The following FARS2 variants were observed in gnomAD, a reference collection of about 807,000 sequenced individuals.
FARS2 encodes phenylalanyl-tRNA synthetase 2, mitochondrial.
FARS2 carries 40 observed loss-of-function variants against 46.4 expected under a neutral mutation model. That is an observed-to-expected ratio of 0.86 (90% CI 0.67 to 1.12). FARS2 has a LOEUF of 1.12. Ranked by LOEUF, FARS2 falls within the 50% of genes most tolerant of loss-of-function variation. The probability of loss-of-function intolerance (pLI) is 0.00; values close to 1 mark genes in which losing one functional copy is unlikely to be tolerated. For synonymous variants in FARS2, 234 were observed against 214.9 expected (o/e 1.09, Z -0.78); for missense variants, 513 against 567.9 (o/e 0.90, Z 0.98).
chr6:5,470,503 A>G (rs1255233302), intron 4 of FARS2, among the ~76,000 whole-genome samples: 1 of 151,826 alleles, frequency 6.6e-6, no homozygotes, highest in Non-Finnish European at 1.5e-5. Flanking sequence ...CCAGATGTAT[A>G]CATGTTAAGT....
intron 4 of FARS2, among the ~76,000 whole-genome samples, chr6:5,448,374 T>A (rs1764293628): frequency 6.6e-6 from 1 of 152,204 alleles, no homozygotes; most frequent in South Asian, 2.1e-4. Context: ...ACTGCTTTCA[T>A]GTCTGTTTTT....
chr6:5,298,027 T>G (rs1768017501), intron 1 of FARS2, among the ~76,000 whole-genome samples: 1 of 152,236 alleles, frequency 6.6e-6, no homozygotes, highest in African/African-American at 2.4e-5. Context: ...ACTGAGGACT[T>G]TGAACATTTA....
intron 6 of FARS2, among the ~76,000 whole-genome samples, chr6:5,758,328 C>G (rs1192740051): frequency 6.6e-6 from 1 of 152,116 alleles, no homozygotes; most frequent in Non-Finnish European, 1.5e-5. Flanking sequence ...TTTTTCTCAC[C>G]AATTTTGGCT....
At chr6:5,283,642 T>C (rs1766911042) in intron 1 of FARS2, among the ~76,000 whole-genome samples, 2 of 152,188 alleles carry the variant, frequency 1.3e-5, no homozygotes, top group East Asian at 1.9e-4. Context: ...TACCTGGTCT[T>C]AGACATTTTC....
intron 1 of FARS2, among the ~76,000 whole-genome samples, chr6:5,274,701 T>C (rs950933035): frequency 2.6e-5 from 4 of 152,168 alleles, no homozygotes; most frequent in African/African-American, 9.7e-5. Context: ...CTTTCTGTTT[T>C]ATGCAGCTCA....
chr6:5,547,864 G>A (rs1187411665), intron 5 of FARS2, among the ~76,000 whole-genome samples: 2 of 152,208 alleles, frequency 1.3e-5, no homozygotes, highest in East Asian at 3.8e-4. Flanking sequence ...TACCCTAGAA[G>A]GGCTCATCTC....
chr6:5,565,070 A>G (rs1772245555), intron 5 of FARS2, among the ~76,000 whole-genome samples: 3 of 152,238 alleles, frequency 2.0e-5, no homozygotes, highest in Non-Finnish European at 4.4e-5. Context: ...GATGCAAACA[A>G]CTATATTGCC....
chr6:5,456,936 G>A (rs191858302), intron 4 of FARS2: 221 of 152,250 alleles, frequency 1.5e-3, no homozygotes, highest in Middle Eastern at 3.4e-3. Context: ...AAGGGAGGCC[G>A]AGGGTAGCCC....
In FARS2 at chr6:5,765,194, C is replaced by T. The variant is rs184884195; in HGVS notation, c.1218-6097C>T. The stretch of plus-strand genomic sequence containing the variant: ...AGCCCAGCTCTCCCATTGGCCCACA[C>T]GGGGCTGCCCCTCTGGCCCTGGCTC... On this transcript the variant is annotated intron_variant, in intron 6 of 6. Transcript: ENST00000274680. This position sits in a 1 kb window ranked among gnomAD's most constrained non-coding sequence, Gnocchi z 4.0. Among the ~76,000 whole-genome samples, 18 of 152,352 alleles carry T rather than the reference C, an allele frequency of 1.2e-4. 1 individual carries two copies. The East Asian group carries it at 2.7e-3, about 23-fold the overall frequency.
intron 6 of FARS2, among the ~76,000 whole-genome samples, chr6:5,749,058 C>T (rs1157940810): frequency 6.6e-6 from 1 of 152,232 alleles, no homozygotes; most frequent in African/African-American, 2.4e-5. Flanking sequence ...ACCTCTACTG[C>T]AACTCTGAAG....
At chr6:5,504,895 G>A (rs996697854) in intron 4 of FARS2, among the ~76,000 whole-genome samples, 13 of 151,956 alleles carry the variant, frequency 8.6e-5, no homozygotes, top group African/African-American at 2.9e-4. Context: ...GCACAATCTC[G>A]GCTCACTGCA....
At chr6:5,574,864 C>T (rs932854370) in intron 5 of FARS2, among the ~76,000 whole-genome samples, 3 of 152,034 alleles carry the variant, frequency 2.0e-5, no homozygotes, top group Admixed American at 6.6e-5. Context: ...TACTCAAGTC[C>T]GGTAGTTGGC....
Position 5,571,123 on chromosome 6 carries a change from G to A in FARS2, c.1065+25783G>A, listed in dbSNP as rs550841455. On this transcript the variant is annotated intron_variant, in intron 5 of 6. Transcript: ENST00000274680. ...ATCTATTAAAGGCAAATATGCAGCC[G>A]TTAGTATGTAAATGGAACTTGCATG... Among the ~76,000 whole-genome samples, 7 of 152,292 alleles carry A rather than the reference G, an allele frequency of 4.6e-5. No individual in the cohort carries two copies. In the South Asian group the frequency reaches 6.2e-4, roughly 14 times the overall value.
intron 3 of FARS2, among the ~76,000 whole-genome samples, chr6:5,405,607 C>T (rs1761540449): frequency 6.6e-6 from 1 of 151,134 alleles, no homozygotes; most frequent in African/African-American, 2.4e-5. Context: ...ATTCTCCTGC[C>T]TCAGCCTCCT....
At chr6:5,605,749 A>G (rs966812526) in intron 5 of FARS2, among the ~76,000 whole-genome samples, 2 of 149,512 alleles carry the variant, frequency 1.3e-5, no homozygotes, top group African/African-American at 2.4e-5. Flanking sequence ...GCTATCTTGG[A>G]AAAAAAAAAT....
chr6:5,592,975 C>T (rs1381131031), intron 5 of FARS2, among the ~76,000 whole-genome samples: 1 of 152,194 alleles, frequency 6.6e-6, no homozygotes, highest in Non-Finnish European at 1.5e-5. Context: ...CCTCTTAAGG[C>T]GATCGGCGCT....
intron 6 of FARS2, among the ~76,000 whole-genome samples, chr6:5,724,975 T>G (rs1194634388): frequency 6.6e-6 from 1 of 152,226 alleles, no homozygotes; most frequent in Admixed American, 6.5e-5. Context: ...GCAGATGCCA[T>G]TAAACAAATA....
chr6:5,285,599 A>T (rs1056414356), intron 1 of FARS2, among the ~76,000 whole-genome samples: 1 of 152,202 alleles, frequency 6.6e-6, no homozygotes, highest in Non-Finnish European at 1.5e-5. Context: ...TGCATCAGCA[A>T]GTGCATTCTC....
At chr6:5,580,956 A>G (rs1405680371) in intron 5 of FARS2, among the ~76,000 whole-genome samples, 1 of 152,250 alleles carries the variant, frequency 6.6e-6, no homozygotes, top group Non-Finnish European at 1.5e-5. Context: ...AAAGTTGTCT[A>G]TTCATTGGTT....
Sources: gnomAD v4.1 joint callset for allele counts (sites outside exome capture counted in the v4.1 genomes callset) on GRCh38, gnomAD v4.1.1 for gene constraint, Gnocchi (gnomAD v3.1) non-coding constraint, MANE v1.5 for transcripts, NCBI Gene and HGNC (gene_info 2026-07-23, HGNC 2026-07-21) for gene names.